The following SHISA9 variants were observed in gnomAD, a reference collection of about 807,000 sequenced individuals.
SHISA9 encodes shisa family member 9.
SHISA9 carries 13 observed loss-of-function variants against 38.0 expected under a neutral mutation model. The ratio of observed to expected loss-of-function variants is 0.34; its 90% CI spans 0.22 to 0.54. The LOEUF is 0.54. Among genes scored for constraint, SHISA9 ranks in the 20% least tolerant of loss-of-function variants. The pLI is 0.91. For missense variants in SHISA9, 538 were observed against 575.8 expected (o/e 0.93, Z 0.67); for synonymous variants, 275 against 242.0 (o/e 1.14, Z -1.27).
intron 2 of SHISA9, among the ~76,000 whole-genome samples, chr16:13,146,295 C>T (rs1302129889): frequency 1.3e-5 from 2 of 152,142 alleles, no homozygotes; most frequent in Non-Finnish European, 2.9e-5. Context: ...AGGTTTCCTG[C>T]ATTCAGGATA....
At chr16:12,992,923 C>T (rs1357124224) in intron 2 of SHISA9, among the ~76,000 whole-genome samples, 1 of 152,230 alleles carries the variant, frequency 6.6e-6, no homozygotes, top group Non-Finnish European at 1.5e-5. Context: ...CTAGTATTAT[C>T]ACCCCATTTT....
chr16:13,111,579 G>T (rs77688783), intron 2 of SHISA9, among the ~76,000 whole-genome samples: 1,929 of 152,292 alleles, frequency 0.013, 22 homozygotes, highest in Middle Eastern at 0.041. Flanking sequence ...TGGGCACATA[G>T]AAAGGCCAGA....
the SHISA9 span, among the ~76,000 whole-genome samples, chr16:13,428,973 A>G: frequency 6.6e-6 from 1 of 151,772 alleles, no homozygotes. Context: ...TGCTATGTTG[A>G]CCAGGCTGAT....
chr16:13,505,245 T>G, the SHISA9 span, among the ~76,000 whole-genome samples: 2 of 152,210 alleles, frequency 1.3e-5, no homozygotes, highest in Non-Finnish European at 2.9e-5. Flanking sequence ...TAAAGTCAAG[T>G]GGGCCTGGCA....
chr16:13,229,357 T>G (rs1397368999), intron 4 of SHISA9, among the ~76,000 whole-genome samples: 1 of 152,188 alleles, frequency 6.6e-6, no homozygotes, highest in Non-Finnish European at 1.5e-5. Context: ...GAGATCTGAC[T>G]TTATCGGACT....
intron 2 of SHISA9, among the ~76,000 whole-genome samples, chr16:12,960,295 A>AT (rs930047051): frequency 1.3e-5 from 2 of 151,930 alleles, no homozygotes; most frequent in African/African-American, 2.4e-5. Context: ...TTATTTTATT[A>AT]TTTTTTTTAA....
chr16:13,030,026 T>C (rs1339123187), intron 2 of SHISA9, among the ~76,000 whole-genome samples: 1 of 152,246 alleles, frequency 6.6e-6, no homozygotes, highest in East Asian at 1.9e-4. Context: ...CTGAATGAGA[T>C]CATTCATATC....
the SHISA9 span, among the ~76,000 whole-genome samples, chr16:13,276,614 A>T: frequency 6.6e-6 from 1 of 152,008 alleles, no homozygotes; most frequent in Non-Finnish European, 1.5e-5. Context: ...TCATTCTTGC[A>T]GGAGTAAGGT....
At chr16:13,474,031 TA>T in the SHISA9 span, among the ~76,000 whole-genome samples, 1 of 152,204 alleles carries the variant, frequency 6.6e-6, no homozygotes, top group Non-Finnish European at 1.5e-5. Flanking sequence ...TCAGAAGCCC[TA>T]ACAAGAAGGA....
chr16:13,348,536 C>T, the SHISA9 span, among the ~76,000 whole-genome samples: 1 of 151,702 alleles, frequency 6.6e-6, no homozygotes, highest in South Asian at 2.1e-4. Flanking sequence ...GGCAATTTGT[C>T]GAGCTGATGC....
chr16:13,465,410 C>T, the SHISA9 span, among the ~76,000 whole-genome samples: 15 of 152,146 alleles, frequency 9.9e-5, no homozygotes, highest in Non-Finnish European at 1.5e-4. Flanking sequence ...AATAAGATTT[C>T]GTCCACGAGG....
chr16:12,902,653 C>T (rs2071034729), intron 1 of SHISA9, 26 bp downstream of exon 1: 1 of 1,517,466 alleles, frequency 6.6e-7, no homozygotes, highest in Non-Finnish European at 8.8e-7. Flanking sequence ...TTCGCCCTCC[C>T]CTCGGGGCTT....
At chr16:13,518,874 G>A in the SHISA9 span, among the ~76,000 whole-genome samples, 221 of 152,312 alleles carry the variant, frequency 1.5e-3, no homozygotes, top group African/African-American at 4.9e-3. Context: ...ATCATTCCAT[G>A]GTGGGAGGTG....
chr16:13,549,523 A>G, the SHISA9 span, among the ~76,000 whole-genome samples: 1 of 152,188 alleles, frequency 6.6e-6, no homozygotes, highest in Admixed American at 6.5e-5. Context: ...GATCTTTCAG[A>G]AAACTAATAG....
chr16:13,078,856 G>A (rs145040840), intron 2 of SHISA9, among the ~76,000 whole-genome samples: 1 of 152,344 alleles, frequency 6.6e-6, no homozygotes, highest in East Asian at 1.9e-4. Flanking sequence ...TGGAGATGCT[G>A]CAGGGCAGTG....
chr16:13,033,911 C>A (rs2073021750), intron 2 of SHISA9, among the ~76,000 whole-genome samples: 1 of 152,124 alleles, frequency 6.6e-6, no homozygotes, highest in African/African-American at 2.4e-5. Flanking sequence ...TTTGGGAGGC[C>A]AAGGTGGGTG....
the SHISA9 span, among the ~76,000 whole-genome samples, chr16:13,495,963 G>A: frequency 6.6e-6 from 1 of 152,072 alleles, no homozygotes; most frequent in African/African-American, 2.4e-5. Context: ...CATACCACTA[G>A]CTGGTGTTTC....
At chr16:13,267,875 GTTTT>G in the SHISA9 span, among the ~76,000 whole-genome samples, 2 of 137,440 alleles carry the variant, frequency 1.5e-5, no homozygotes, top group African/African-American at 2.7e-5. Context: ...TGTTTCTCAG[GTTTT>G]TTTTTTTTTT....
chr16:13,437,947 C>A, the SHISA9 span, among the ~76,000 whole-genome samples: 2 of 149,638 alleles, frequency 1.3e-5, no homozygotes, highest in African/African-American at 2.5e-5. Context: ...CTCACTGCCA[C>A]CTCTGCTTCC....
Sources: allele counts gnomAD v4.1 joint callset (sites outside exome capture counted in the v4.1 genomes callset), GRCh38; gene constraint gnomAD v4.1.1; transcripts MANE v1.5; gene names NCBI Gene and HGNC (gene_info 2026-07-23, HGNC 2026-07-21).